Variants in PGBD2 observed in about 807,000 individuals in gnomAD.
PGBD2 encodes piggyBac transposable element derived 2, also known as piggyBac transposable element-derived protein 2.
Under a neutral mutation model 8.1 loss-of-function variants are expected in PGBD2, and 6 were observed. The ratio of observed to expected loss-of-function variants is 0.74; its 90% confidence interval spans 0.40 to 1.46. PGBD2 has a LOEUF of 1.46. PGBD2 is among the 40% of genes most tolerant of loss of function. The pLI is 0.02. For synonymous variants in PGBD2, 318 were observed against 272.2 expected (o/e 1.17, Z -1.66); for missense variants, 802 against 739.0 (o/e 1.09, Z -0.99).
upstream of PGBD2, among the ~76,000 whole-genome samples, chr1:248,905,521 C>G (rs947407066): frequency 6.6e-6 from 1 of 151,968 alleles, no homozygotes; most frequent in African/African-American, 2.4e-5. Context: ...CATTTAGTTG[C>G]TAGGGATGCT....
chr1:248,889,199 ACATGGCGAAACC>A, the PGBD2 span, among the ~76,000 whole-genome samples: 1 of 152,218 alleles, frequency 6.6e-6, no homozygotes, highest in Non-Finnish European at 1.5e-5. Context: ...AGCCTGGCCA[ACATGGCGAAACC>A]CCATCTCTAC....
the PGBD2 span, among the ~76,000 whole-genome samples, chr1:248,877,630 G>A: frequency 1.3e-5 from 2 of 152,130 alleles, no homozygotes; most frequent in African/African-American, 2.4e-5. Flanking sequence ...ATGATTACTA[G>A]GGAGAATGAT....
At chr1:248,887,258 C>G in the PGBD2 span, among the ~76,000 whole-genome samples, 1 of 152,208 alleles carries the variant, frequency 6.6e-6, no homozygotes, top group African/African-American at 2.4e-5. Context: ...CCAGCTTTCT[C>G]ACTAATGTCT....
At chr1:248,888,009 T>C in the PGBD2 span, among the ~76,000 whole-genome samples, 3 of 152,316 alleles carry the variant, frequency 2.0e-5, no homozygotes, top group South Asian at 2.1e-4. Context: ...GAACACATGA[T>C]ATTTGCTTTT....
At position 248,918,559 on chromosome 1, in the gene PGBD2, T is replaced by A; in HGVS notation, c.*196T>A. ...GCCTACATGTGATATAAATTAATATTTATATTCATTTATATTTATATTTTT... is the reference window on the plus strand; with the variant it reads ...GCCTACATGTGATATAAATTAATATATATATTCATTTATATTTATATTTTT... On this transcript the variant is annotated 3_prime_UTR_variant, in exon 3 of 3. Transcript: ENST00000329291. 3.3e-6 allele frequency: 1 copy of A among 300,092 alleles called. No individual in the cohort carries two copies. The highest frequency in any genetic ancestry group is 6.3e-6 in the Non-Finnish European group (1 of 158,870). 18.6% of individuals were successfully genotyped at this position (300,092 alleles called of 1,614,324 possible). A position where few individuals can be genotyped will look rare whatever the true frequency, so the allele number is the denominator to read the frequency against.
the PGBD2 span, among the ~76,000 whole-genome samples, chr1:248,894,357 G>A: frequency 6.6e-6 from 1 of 151,986 alleles, no homozygotes; most frequent in Non-Finnish European, 1.5e-5. Flanking sequence ...AAGTCAAGGA[G>A]CTTTACTTCT....
intron 1 of PGBD2, among the ~76,000 whole-genome samples, chr1:248,911,918 G>A (rs184150243): frequency 5.3e-5 from 8 of 152,148 alleles, no homozygotes; most frequent in Non-Finnish European, 7.4e-5. Flanking sequence ...TATTGGAGAT[G>A]CGCAGAGAGG....
At chr1:248,915,542 G>A (rs1161609219) in intron 2 of PGBD2, among the ~76,000 whole-genome samples, 1 of 152,210 alleles carries the variant, frequency 6.6e-6, no homozygotes, top group African/African-American at 2.4e-5. Context: ...GGTAGGTTAG[G>A]TGTATTAAAT....
chr1:248,917,256 C>G lies in PGBD2; in HGVS notation c.672C>G (p.Ile224Met). Residue 224 changes from isoleucine (I) to methionine (M), a missense_variant, in exon 3 of 3, where the codon ATC (isoleucine) becomes ATG (methionine). Ile to Met is a conservative substitution (Grantham distance 10). Coordinates refer to ENST00000329291, the MANE Select transcript of PGBD2 (RefSeq NM_170725.3). ...DAIRRDRFEL[I>M]FSYLHFADNN... ...TTAGAAGGGACAGATTTGAACTAAT[C>G]TTCTCATACTTACATTTTGCAGATA... 1.2e-6 allele frequency: 2 copies of G among 1,614,158 alleles called. No individual in the cohort carries two copies. Among genetic ancestry groups the G allele is most frequent in the Non-Finnish European group, 8.5e-7 (1 of 1,180,026 alleles).
the PGBD2 span, among the ~76,000 whole-genome samples, chr1:248,929,708 C>T: frequency 2.0e-5 from 3 of 152,154 alleles, no homozygotes; most frequent in African/African-American, 7.2e-5. Context: ...ATTATAAGGA[C>T]CACTTAATAA....
At chr1:248,874,290 G>C in the PGBD2 span, among the ~76,000 whole-genome samples, 3 of 152,176 alleles carry the variant, frequency 2.0e-5, no homozygotes, top group Non-Finnish European at 4.4e-5. Context: ...TCTCACCGCC[G>C]CGGCCCGGGT....
At chr1:248,888,273 C>T in the PGBD2 span, among the ~76,000 whole-genome samples, 2 of 152,214 alleles carry the variant, frequency 1.3e-5, no homozygotes, top group African/African-American at 4.8e-5. Flanking sequence ...TGAATATATA[C>T]CCAGTAATGG....
chr1:248,912,419 T>A (rs1661926266), intron 1 of PGBD2, among the ~76,000 whole-genome samples: 1 of 152,208 alleles, frequency 6.6e-6, no homozygotes, highest in South Asian at 2.1e-4. Flanking sequence ...AGTCACTTCT[T>A]TCCATGCCTC....
chr1:248,914,615 G>A lies in PGBD2; in HGVS notation c.17+736G>A. The A allele has an allele frequency of 3.9e-6, 5 of 1,287,370 alleles. No homozygotes were observed. In the South Asian group the frequency reaches 4.9e-5, roughly 13 times the overall value. 79.7% of individuals were successfully genotyped at this position (1,287,370 alleles called of 1,614,324 possible). A position where few individuals can be genotyped will look rare whatever the true frequency, so the allele number is the denominator to read the frequency against. The stretch of plus-strand genomic sequence containing the variant: ...CCTGCATCCTTCTGTTGGGATGGAG[G>A]GTCCTCACGTAGAGGTTGGGGCCTG... On this transcript the variant is annotated intron_variant, in intron 2 of 2. Coordinates refer to ENST00000329291, the MANE Select transcript of PGBD2 (RefSeq NM_170725.3).
the PGBD2 span, among the ~76,000 whole-genome samples, chr1:248,873,861 A>G: frequency 1.3e-5 from 2 of 152,160 alleles, no homozygotes; most frequent in African/African-American, 4.8e-5. Context: ...GAGTGTCAGG[A>G]TGGCCGAGTG....
chr1:248,880,033 T>C, the PGBD2 span, among the ~76,000 whole-genome samples: 1 of 152,230 alleles, frequency 6.6e-6, no homozygotes, highest in East Asian at 1.9e-4. Flanking sequence ...TGCTGTTCAA[T>C]GGGTCTGGCC....
At chr1:248,908,802 C>T (rs1225233004) in intron 1 of PGBD2, among the ~76,000 whole-genome samples, 2 of 151,918 alleles carry the variant, frequency 1.3e-5, no homozygotes, top group African/African-American at 2.4e-5. Flanking sequence ...ATTCCTTACT[C>T]TGGCGTCACT....
chr1:248,918,493 C>A lies in PGBD2; in HGVS notation c.*130C>A. 1.2e-6 allele frequency: 1 copy of A among 855,834 alleles called. No homozygotes were observed. Among genetic ancestry groups the A allele is most frequent in the Non-Finnish European group, 1.7e-6 (1 of 572,288 alleles). 53.0% of individuals were successfully genotyped at this position (855,834 alleles called of 1,614,324 possible). ...AATGACTTGATTTTCTATTTTCTCCCTACCCACAATACAGTTATCTTTTTT... is the reference window on the plus strand; with the variant it reads ...AATGACTTGATTTTCTATTTTCTCCATACCCACAATACAGTTATCTTTTTT... On this transcript the variant is annotated 3_prime_UTR_variant, in exon 3 of 3. Coordinates refer to ENST00000329291, the MANE Select transcript of PGBD2 (RefSeq NM_170725.3).
the PGBD2 span, among the ~76,000 whole-genome samples, chr1:248,900,287 C>A: frequency 2.0e-5 from 3 of 151,880 alleles, no homozygotes; most frequent in South Asian, 2.1e-4. Context: ...ACAACAACAA[C>A]AAAAAAACAG....
Sources: allele counts gnomAD v4.1 joint callset (sites outside exome capture counted in the v4.1 genomes callset), GRCh38; gene constraint gnomAD v4.1.1; transcripts MANE v1.5; gene names NCBI Gene and HGNC (gene_info 2026-07-23, HGNC 2026-07-21).